EDNRA: variants seen among roughly 807,000 people sequenced by gnomAD.
The protein encoded by EDNRA is endothelin-1 receptor.
A neutral mutation model predicts 41.4 loss-of-function variants in EDNRA; 11 were observed. That is an observed-to-expected ratio of 0.27 (90% CI 0.17 to 0.44). The LOEUF (loss-of-function observed/expected upper bound fraction) is 0.44, where lower values mean the gene tolerates loss of function less well. Ranked by LOEUF, EDNRA falls within the 20% of genes least tolerant of loss-of-function variation. EDNRA has a pLI of 1.00. For missense variants in EDNRA, 294 were observed against 531.0 expected (o/e 0.55, Z 4.39); for synonymous variants, 172 against 183.0 (o/e 0.94, Z 0.49).
intron 2 of EDNRA, among the ~76,000 whole-genome samples, chr4:147,505,646 G>GTTTTT (rs70958567): frequency 1.9e-5 from 2 of 105,232 alleles, no homozygotes; most frequent in Non-Finnish European, 3.7e-5. Context: ...CCCGCCGGCA[G>GTTTTT]TTTTTTTTTT....
chr4:147,535,716 G>C (rs1171705802), intron 4 of EDNRA, among the ~76,000 whole-genome samples, 161 bp from the exon 5 acceptor site: 5 of 152,096 alleles, frequency 3.3e-5, no homozygotes, highest in Admixed American at 3.3e-4. Context: ...CAACTGAATT[G>C]AGTTTTGAGC....
chr4:147,540,038 C>T, intron 6 of EDNRA, 88 bp downstream of exon 6: 1 of 1,490,846 alleles, frequency 6.7e-7, no homozygotes, highest in Non-Finnish European at 8.9e-7. Flanking sequence ...CTCTACATGC[C>T]CGTTAGCCCT....
At position 147,482,023 on chromosome 4, in the gene EDNRA, G is replaced by A. The variant is rs114937138; in HGVS notation, c.-71+647G>A. ...ACCCTCTGTTTACATCATCCTAATG[G>A]CTTTCCCCTGATAGAGTTGGGGGTG... On this transcript the variant is annotated intron_variant, in intron 1 of 7. Coordinates refer to ENST00000651419, the MANE Select transcript of EDNRA (RefSeq NM_001957.4). Among the ~76,000 whole-genome samples the A allele has an allele frequency of 9.0e-3, 1,375 of 152,290 alleles. 16 individuals are homozygous for A. The highest frequency in any genetic ancestry group is 0.031 in the African/African-American group (1,299 of 41,550).
intron 3 of EDNRA, among the ~76,000 whole-genome samples, chr4:147,530,532 AT>A (rs1289777561): frequency 6.6e-6 from 1 of 152,150 alleles, no homozygotes; most frequent in Non-Finnish European, 1.5e-5. Flanking sequence ...CTTTTTTGAG[AT>A]TTGTATTGTA....
rs189337250 is a variant in EDNRA at position 147,503,131 on chromosome 4, A to G, written c.421-16720A>G. Among the ~76,000 whole-genome samples, 246 of 152,322 alleles carry G rather than the reference A, an allele frequency of 1.6e-3. 4 individuals carry two copies. Among genetic ancestry groups the G allele is most frequent in the Admixed American group, 0.015 (228 of 15,300 alleles). On this transcript the variant is annotated intron_variant, in intron 2 of 7. Coordinates refer to ENST00000651419, the MANE Select transcript of EDNRA (RefSeq NM_001957.4). ...TCATTTTAAAATTTGGGAGAATTGT[A>G]AAACACCATTATATTTTTTCAGATA...
rs745396045 is a variant in EDNRA, at chr4:147,535,878, T to A, written c.749T>A (p.Phe250Tyr). Reference protein sequence around the residue: ...MLNATSKFMEFYQDVKDWWLF... With the variant: ...MLNATSKFMEYYQDVKDWWLF... ...CTTTTTTTTTTTTTCACTTTGAAGTTCTACCAAGATGTAAAGGACTGGTGG... is the reference window on the plus strand; with the variant it reads ...CTTTTTTTTTTTTTCACTTTGAAGTACTACCAAGATGTAAAGGACTGGTGG... Residue 250 changes from phenylalanine (F) to tyrosine (Y), a missense_variant and splice_region_variant, in exon 5 of 8, where the codon TTC (phenylalanine) becomes TAC (tyrosine). Physicochemically the swap from Phe to Tyr is conservative, Grantham distance 22. This residue lies in a region of EDNRA where 185 missense variants were observed against 390.8 expected (regional missense o/e 0.47). Coordinates refer to ENST00000651419, the MANE Select transcript of EDNRA (RefSeq NM_001957.4). The A allele has an allele frequency of 2.5e-6, 4 of 1,612,042 alleles. No individual in the cohort carries two copies. In the South Asian group the frequency reaches 4.4e-5, roughly 18 times the overall value.
At chr4:147,523,518 T>G (rs1467746207) in intron 3 of EDNRA, among the ~76,000 whole-genome samples, 3 of 147,514 alleles carry the variant, frequency 2.0e-5, no homozygotes, top group East Asian at 3.9e-4. Context: ...TGAGATGGAG[T>G]CTTGCTCTGT....
chr4:147,528,360 T>TCC (rs61594465), intron 3 of EDNRA, among the ~76,000 whole-genome samples: 1 of 144,658 alleles, frequency 6.9e-6, no homozygotes, highest in African/African-American at 2.7e-5. Flanking sequence ...TTGCTTTCTT[T>TCC]TTTTTTTTTT....
Position 147,542,714 on chromosome 4 carries a change from C to A in EDNRA, c.*96C>A. 3 of 1,485,794 alleles carry A rather than the reference C, an allele frequency of 2.0e-6. No individual in the cohort carries two copies. Among genetic ancestry groups the A allele is most frequent in the South Asian group, 1.3e-5 (1 of 75,432 alleles). The allele number at this position is 1,485,794 out of a possible 1,614,324, so 92.0% of individuals were successfully genotyped here. On this transcript the variant is annotated 3_prime_UTR_variant, in exon 8 of 8. Coordinates refer to ENST00000651419, the MANE Select transcript of EDNRA (RefSeq NM_001957.4). Reference sequence around the variant, plus strand: ...TCCGGGAATCTCTTCTCTGATCCTTCTTCCTTAATTCACTCCCACACCCAA... The same window carrying A: ...TCCGGGAATCTCTTCTCTGATCCTTATTCCTTAATTCACTCCCACACCCAA...
Position 147,532,718 on chromosome 4 carries a change from A to T in EDNRA, c.747+14A>T, listed in dbSNP as rs1313260673. 1 of 1,613,252 alleles carries T rather than the reference A, an allele frequency of 6.2e-7. No homozygotes were observed. On this transcript the variant is annotated intron_variant, in intron 4 of 7. Transcript: ENST00000651419. ...AAATTCATGGAGGTACTAAACGTTT[A>T]AAAGGAATTAACTGGGGAAGGGAGG...
chr4:147,522,831 G>C (rs572072567), intron 3 of EDNRA, among the ~76,000 whole-genome samples: 102 of 152,340 alleles, frequency 6.7e-4, no homozygotes, highest in African/African-American at 2.3e-3. Flanking sequence ...AGGAGGTCCC[G>C]AGAACCTGTG....
intron 1 of EDNRA, among the ~76,000 whole-genome samples, chr4:147,485,028 G>C (rs1313633952): frequency 6.6e-6 from 1 of 152,076 alleles, no homozygotes; most frequent in African/African-American, 2.4e-5. Context: ...TTTTACATTC[G>C]ATAATTTTAT....
At chr4:147,497,258 A>G (rs1426077976) in intron 2 of EDNRA, among the ~76,000 whole-genome samples, 1 of 149,618 alleles carries the variant, frequency 6.7e-6, no homozygotes, top group Non-Finnish European at 1.5e-5. Flanking sequence ...CAGCCTCCCA[A>G]ATTGCTGGGA....
rs70958567 is a variant in EDNRA at position 147,505,646 on chromosome 4, GTTTTTTTTT to G, written c.421-14192_421-14184del. 2.9e-5 allele frequency among the ~76,000 whole-genome samples: 3 copies of G among 105,234 alleles called. No individual in the cohort carries two copies. The South Asian group carries it at 1.0e-3, about 37-fold the overall frequency. 69.0% of individuals were successfully genotyped at this position (105,234 alleles called of 152,430 possible). ...CGTAAGCCACCCTGCCCCGCCGGCA[GTTTTTTTTT>G]TTTTTTTTTTTTAGACAGAGTCTCA... On this transcript the variant is annotated intron_variant, in intron 2 of 7. Coordinates refer to ENST00000651419, the MANE Select transcript of EDNRA (RefSeq NM_001957.4).
intron 2 of EDNRA, chr4:147,506,411 A>G (rs1729718625): frequency 5.0e-6 from 2 of 400,654 alleles, no homozygotes; most frequent in Non-Finnish European, 4.9e-6. Flanking sequence ...GATTAAAAAG[A>G]TTGCAAATAG....
intron 3 of EDNRA, among the ~76,000 whole-genome samples, chr4:147,520,219 C>T (rs1020690965): frequency 6.6e-6 from 1 of 152,046 alleles, no homozygotes; most frequent in African/African-American, 2.4e-5. Context: ...CATTTGACGC[C>T]CTTTTGGCAA....
At chr4:147,534,177 C>T (rs1310153498) in intron 4 of EDNRA, among the ~76,000 whole-genome samples, 25 of 152,152 alleles carry the variant, frequency 1.6e-4, no homozygotes, top group Non-Finnish European at 4.4e-5. Flanking sequence ...CCCTCTGCAG[C>T]TGTTTCTGCA....
At position 147,544,021 on chromosome 4, in the gene EDNRA, T is replaced by C. The variant is rs1396541276; in HGVS notation, c.*1403T>C. ...ATATATATAAACAATTGTAAATTTC[T>C]TTTAGCCCATTTTTCTAGACTGTCT... On this transcript the variant is annotated 3_prime_UTR_variant, in exon 8 of 8. Transcript: ENST00000651419. 6.6e-6 allele frequency: 1 copy of C among 152,616 alleles called. No individual in the cohort carries two copies. Among genetic ancestry groups the C allele is most frequent in the Non-Finnish European group, 1.5e-5 (1 of 68,032 alleles). 9.5% of individuals were successfully genotyped at this position (152,616 alleles called of 1,614,324 possible). A position where few individuals can be genotyped will look rare whatever the true frequency, so the allele number is the denominator to read the frequency against.
chr4:147,500,332 T>C (rs1729471318), intron 2 of EDNRA, among the ~76,000 whole-genome samples: 1 of 152,232 alleles, frequency 6.6e-6, no homozygotes, highest in Non-Finnish European at 1.5e-5. Context: ...AAGAAATATC[T>C]CATGTTCCAT....
Sources: allele counts gnomAD v4.1 joint callset (sites outside exome capture counted in the v4.1 genomes callset), GRCh38; gene constraint gnomAD v4.1.1; regional missense constraint gnomAD v4.1.1; transcripts MANE v1.5; gene names NCBI Gene and HGNC (gene_info 2026-07-23, HGNC 2026-07-21).